The following ZNF75D variants were observed in gnomAD, a reference collection of about 807,000 sequenced individuals.
ZNF75D encodes the protein zinc finger protein 75D.
A neutral mutation model predicts 33.3 loss-of-function variants in ZNF75D; 33 were observed. The observed-to-expected ratio is 0.99, with a 90% CI of 0.75 to 1.32. The LOEUF is 1.32. Among genes scored for constraint, ZNF75D ranks in the 40% most tolerant of loss-of-function variants. The pLI is 0.00. For synonymous variants in ZNF75D, 113 were observed against 130.6 expected (o/e 0.87, Z 0.92); for missense variants, 338 against 367.5 (o/e 0.92, Z 0.66).
intron 3 of ZNF75D, among the ~76,000 whole-genome samples, chrX:135,249,655 C>G (rs1602575006): frequency 1.0e-5 from 1 of 99,421 alleles, no homozygotes; most frequent in South Asian, 5.2e-4. Flanking sequence ...GTTACACACA[C>G]ACTCAAAATT....
chrX:135,294,125 G>A lies in ZNF75D; in HGVS notation c.16C>T (p.Leu6=). 1 of 1,193,000 alleles carries A rather than the reference G, an allele frequency of 8.4e-7. No individual in the cohort carries two copies. The highest frequency in any genetic ancestry group is 1.1e-6 in the Non-Finnish European group (1 of 886,553). ...GGGCTTGAGCATGAATCCGCGTTCA[G>A]CTCTCTCATCGCCATTTGCTCTAGG... is the stretch of plus-strand genomic sequence containing the variant. MAMRE[L]NADSCSSPQM... The change falls in exon 3 of 7, where the codon CTG becomes TTG. Residue 6 remains leucine (L), a synonymous_variant. Transcript: ENST00000370766.
chrX:135,330,804 G>A (rs782004645), intron 1 of ZNF75D: 2 of 112,524 alleles, frequency 1.8e-5, no homozygotes, highest in Admixed American at 9.4e-5. Flanking sequence ...GCTTTCTTGA[G>A]TTACACTGGA....
intron 1 of ZNF75D, among the ~76,000 whole-genome samples, chrX:135,325,150 ATGC>A (rs1235458929): frequency 9.1e-6 from 1 of 109,459 alleles, no homozygotes; most frequent in Non-Finnish European, 1.9e-5. Flanking sequence ...CACATGATAA[ATGC>A]TAAGGGAGGA....
At chrX:135,316,819 ATT>A (rs1188865400) in intron 1 of ZNF75D, among the ~76,000 whole-genome samples, 1 of 108,035 alleles carries the variant, frequency 9.3e-6, no homozygotes, top group Non-Finnish European at 1.9e-5. Flanking sequence ...CAGTTCCAGA[ATT>A]TTTTTTAATG....
intron 1 of ZNF75D, among the ~76,000 whole-genome samples, chrX:135,265,003 G>C (rs1556416116): frequency 8.9e-6 from 1 of 111,925 alleles, no homozygotes. Flanking sequence ...GGCAGATCAC[G>C]GGGTCAGAAG....
intron 1 of ZNF75D, among the ~76,000 whole-genome samples, chrX:135,306,239 C>T (rs372103468): frequency 5.6e-5 from 6 of 107,146 alleles, no homozygotes; most frequent in African/African-American, 1.0e-4. Flanking sequence ...GACTGCTTGA[C>T]TCCACAGATC....
chrX:135,296,662 T>C (rs782807077), intron 1 of ZNF75D, among the ~76,000 whole-genome samples: 25 of 112,684 alleles, frequency 2.2e-4, no homozygotes, highest in African/African-American at 3.6e-4. Context: ...AACCATATTC[T>C]AGTTATCAGA....
intron 1 of ZNF75D, among the ~76,000 whole-genome samples, chrX:135,299,918 T>C (rs1487624327): frequency 8.9e-6 from 1 of 112,516 alleles, no homozygotes; most frequent in African/African-American, 3.2e-5. Flanking sequence ...GAAAATCAGT[T>C]AACTCAAGGT....
chrX:135,262,541 T>C (rs181110304), intron 1 of ZNF75D, among the ~76,000 whole-genome samples: 5 of 112,351 alleles, frequency 4.5e-5, no homozygotes, highest in Admixed American at 3.8e-4. Context: ...GTTTCATTAA[T>C]TTCTTTTTCA....
At chrX:135,308,328 CAGG>C (rs1258902836) in intron 1 of ZNF75D, among the ~76,000 whole-genome samples, 1 of 112,037 alleles carries the variant, frequency 8.9e-6, no homozygotes, top group Non-Finnish European at 1.9e-5. Context: ...CTCTCTGGTC[CAGG>C]TCTTTCTTCA....
intron 1 of ZNF75D, among the ~76,000 whole-genome samples, chrX:135,260,214 T>A (rs1396830945): frequency 8.9e-6 from 1 of 112,179 alleles, no homozygotes; most frequent in African/African-American, 3.2e-5. Context: ...TATTGAGGAT[T>A]TTCGCATAGA....
intron 1 of ZNF75D, among the ~76,000 whole-genome samples, chrX:135,304,425 TCTCAA>T (rs1350871643): frequency 1.8e-5 from 2 of 111,545 alleles, no homozygotes; most frequent in African/African-American, 6.5e-5. Context: ...CTGAGGAACC[TCTCAA>T]CAAGAGGTGA....
intron 1 of ZNF75D, among the ~76,000 whole-genome samples, chrX:135,271,273 A>T (rs1243131916): frequency 8.9e-6 from 1 of 112,014 alleles, no homozygotes; most frequent in Non-Finnish European, 1.9e-5. Flanking sequence ...CAACGGTATT[A>T]GGGAGCTTGT....
At position 135,259,420 on chromosome X, in the gene ZNF75D, T is replaced by A. The variant is rs782445228; in HGVS notation, n.828-3643A>T. Among the ~76,000 whole-genome samples the A allele has an allele frequency of 4.4e-3, 486 of 110,051 alleles. 5 individuals carry two copies. The highest frequency in any genetic ancestry group is 0.015 in the African/African-American group (455 of 30,444). ...ATTTTCACGATATTGATTCTTCCTA[T>A]CCATGAGCATGGAATGTTCTTCCAT... is the stretch of plus-strand genomic sequence containing the variant. On this transcript the variant is annotated intron_variant and non_coding_transcript_variant, in intron 1 of 3. Transcript: ENST00000494295.
chrX:135,258,173 T>C (rs1227831418), intron 1 of ZNF75D, among the ~76,000 whole-genome samples: 3 of 76,460 alleles, frequency 3.9e-5, no homozygotes, highest in Non-Finnish European at 7.0e-5. Context: ...TAGTATTCCA[T>C]GGTGTATAAT....
At position 135,256,992 on chromosome X, in the gene ZNF75D, C is replaced by T. The variant is rs781814433; in HGVS notation, n.828-1215G>A. On this transcript the variant is annotated intron_variant and non_coding_transcript_variant, in intron 1 of 3. Transcript: ENST00000494295. ...CAGTCCTGGCAGGACCTATCACCTG[C>T]TGACTAAAGAGCCCTTGGGCACTGA... 2.5e-3 allele frequency among the ~76,000 whole-genome samples: 274 copies of T among 111,578 alleles called. 1 individual carries two copies. Among genetic ancestry groups the T allele is most frequent in the African/African-American group, 8.7e-3 (268 of 30,727 alleles).
chrX:135,330,580 C>T (rs2084639818), intron 1 of ZNF75D: 1 of 112,147 alleles, frequency 8.9e-6, no homozygotes, highest in South Asian at 3.7e-4. Context: ...GTGGATCTGA[C>T]AAAGTGGTTG....
At chrX:135,288,904 G>T (rs1269886440) in intron 6 of ZNF75D, among the ~76,000 whole-genome samples, 1 of 112,033 alleles carries the variant, frequency 8.9e-6, no homozygotes, top group Non-Finnish European at 1.9e-5. Flanking sequence ...CCCTATGTCT[G>T]TGCCATAAAT....
chrX:135,333,076 G>A (rs1405597086), intron 1 of ZNF75D, among the ~76,000 whole-genome samples: 1 of 111,414 alleles, frequency 9.0e-6, no homozygotes, highest in Non-Finnish European at 1.9e-5. Context: ...TCCAAAAGGG[G>A]AGTGACTGGC....
Sources: allele counts gnomAD v4.1 joint callset (sites outside exome capture counted in the v4.1 genomes callset), GRCh38; gene constraint gnomAD v4.1.1; transcripts MANE v1.5; gene names NCBI Gene and HGNC (gene_info 2026-07-23, HGNC 2026-07-21).